Variants in SP3 observed in about 807,000 individuals in gnomAD.
The protein encoded by SP3 is Sp3 transcription factor.
Under a neutral mutation model 70.3 loss-of-function variants are expected in SP3, and 10 were observed. That is an observed-to-expected ratio of 0.14 (90% CI 0.09 to 0.24). The LOEUF is 0.24. SP3 is among the 10% of genes least tolerant of loss of function. The pLI is 1.00. For missense variants in SP3, 825 were observed against 914.6 expected (o/e 0.90, Z 1.26); for synonymous variants, 402 against 333.5 (o/e 1.21, Z -2.24).
At chr2:173,930,341 AGG>A (rs1559097033) in intron 4 of SP3, among the ~76,000 whole-genome samples, 1 of 152,110 alleles carries the variant, frequency 6.6e-6, no homozygotes, top group Non-Finnish European at 1.5e-5. Context: ...CCAAGGTGGG[AGG>A]ATTGCTTGAG....
In SP3 at chr2:173,901,040, G is replaced by A. The variant is rs1002177381; in HGVS notation, c.*8901C>T. 6.6e-6 allele frequency among the ~76,000 whole-genome samples: 1 copy of A among 152,146 alleles called. No homozygotes were observed. The highest frequency in any genetic ancestry group is 1.9e-4 in the East Asian group (1 of 5,204). On this transcript the variant is annotated 3_prime_UTR_variant, in exon 7 of 7. Transcript: ENST00000310015. Reference sequence around the variant, plus strand: ...GGTGGGCAGAGGAGACTTCCTTACCGGATGTCAAGAATTTAGGATAAATAA... The same window carrying A: ...GGTGGGCAGAGGAGACTTCCTTACCAGATGTCAAGAATTTAGGATAAATAA...
intron 4 of SP3, among the ~76,000 whole-genome samples, chr2:173,948,258 A>C (rs1018342679): frequency 1.3e-5 from 2 of 152,252 alleles, no homozygotes; most frequent in African/African-American, 4.8e-5. Context: ...TGTTACCCAT[A>C]GTCAATCACA....
chr2:173,922,623 G>C (rs762163681), intron 4 of SP3, among the ~76,000 whole-genome samples: 5 of 152,002 alleles, frequency 3.3e-5, no homozygotes, highest in Non-Finnish European at 7.4e-5. Flanking sequence ...AGGGGACTGA[G>C]AGTGCCAGTG....
In SP3 at chr2:173,964,447, TTGCTGC is replaced by T. The variant is rs762215894; in HGVS notation, c.108_113del (p.Gln38_Gln39del). 1.4e-6 allele frequency: 1 copy of T among 732,186 alleles called. No homozygotes were observed. The highest frequency in any genetic ancestry group is 2.5e-6 in the Non-Finnish European group (1 of 397,980). The allele number at this position is 732,186 out of a possible 1,614,324, so 45.4% of individuals were successfully genotyped here. On this transcript the variant is annotated inframe_deletion, in exon 2 of 7. Transcript: ENST00000310015. ...CCGCCACCGCACCGTTTCCGTGCTG[TTGCTGC>T]TGCTGCAGATACTCGCCGTGGCCGC... is the stretch of plus-strand genomic sequence containing the variant.
At chr2:173,937,198 T>C (rs1466210898) in intron 4 of SP3, among the ~76,000 whole-genome samples, 2 of 152,222 alleles carry the variant, frequency 1.3e-5, no homozygotes, top group African/African-American at 4.8e-5. Flanking sequence ...TTATTAACCC[T>C]GTGCCCAAAC....
chr2:173,965,085 G>A (rs1691250325), intron 1 of SP3, 80 bp downstream of exon 1: 1 of 1,528,470 alleles, frequency 6.5e-7, no homozygotes, highest in South Asian at 1.2e-5. Flanking sequence ...GAGACCGGCG[G>A]CAGCGGCCCC....
Position 173,906,199 on chromosome 2 carries a change from T to C in SP3, c.*3742A>G, listed in dbSNP as rs1041175671. Among the ~76,000 whole-genome samples, 1 of 152,182 alleles carries C rather than the reference T, an allele frequency of 6.6e-6. No individual in the cohort carries two copies. Among genetic ancestry groups the C allele is most frequent in the Non-Finnish European group, 1.5e-5 (1 of 68,024 alleles). ...CCACACTGTACCTTTGCAAACGCCA[T>C]TTCTGCTGAGTTTCCCAGACTTCAT... is the stretch of plus-strand genomic sequence containing the variant. On this transcript the variant is annotated 3_prime_UTR_variant, in exon 7 of 7. Coordinates refer to ENST00000310015, the MANE Select transcript of SP3 (RefSeq NM_003111.5).
At chr2:173,925,769 A>G (rs967102126) in intron 4 of SP3, among the ~76,000 whole-genome samples, 1 of 152,164 alleles carries the variant, frequency 6.6e-6, no homozygotes. Flanking sequence ...TTGTCCCCAT[A>G]AGCTTTAGGG....
Position 173,955,494 on chromosome 2 carries a change from G to A in SP3, c.1018C>T (p.Pro340Ser). 2 of 1,614,006 alleles carry A rather than the reference G, an allele frequency of 1.2e-6. No individual in the cohort carries two copies. Among genetic ancestry groups the A allele is most frequent in the Non-Finnish European group, 1.7e-6 (2 of 1,180,022 alleles). The stretch of plus-strand genomic sequence containing the variant: ...ATACCTGTACTATCTATCGTAACAG[G>A]CAACTGTGATGAAGAGGATGTTGGC... ...FVPTSSSSQL[P>S]VTIDSTGILQ... Residue 340 changes from proline (P) to serine (S), a missense_variant, in exon 4 of 7, where the codon CCT becomes TCT. This residue lies in a region of SP3 where 678 missense variants were observed against 651.6 expected (regional missense o/e 1.04). Coordinates refer to ENST00000310015, the MANE Select transcript of SP3 (RefSeq NM_003111.5).
At chr2:173,935,661 T>TAATTCCC (rs1690188146) in intron 4 of SP3, among the ~76,000 whole-genome samples, 1 of 152,212 alleles carries the variant, frequency 6.6e-6, no homozygotes, top group East Asian at 1.9e-4. Flanking sequence ...CTCAGTTTTA[T>TAATTCCC]CAACTCTCCT....
Position 173,964,957 on chromosome 2 carries a change from C to A in SP3, c.7+208G>T, listed in dbSNP as rs1313990656. 7 of 613,302 alleles carry A rather than the reference C, an allele frequency of 1.1e-5. No homozygotes were observed. The African/African-American group carries it at 1.2e-4, about 10-fold the overall frequency. The allele number at this position is 613,302 out of a possible 1,614,324, so 38.0% of individuals were successfully genotyped here. A position where few individuals can be genotyped will look rare whatever the true frequency, so the allele number is the denominator to read the frequency against. On this transcript the variant is annotated intron_variant, in intron 1 of 6. Coordinates refer to ENST00000310015, the MANE Select transcript of SP3 (RefSeq NM_003111.5). Reference sequence around the variant, plus strand: ...CCGGGCCGCCCGCCCCGGGGCCTGGCGGGGAGACGGCGTTGCTGGGGCTTC... The same window carrying A: ...CCGGGCCGCCCGCCCCGGGGCCTGGAGGGGAGACGGCGTTGCTGGGGCTTC...
At position 173,964,013 on chromosome 2, in the gene SP3, T is replaced by TCTCCTC. The variant is rs533817433; in HGVS notation, c.157-136_157-131dup. On this transcript the variant is annotated intron_variant, in intron 2 of 6. Coordinates refer to ENST00000310015, the MANE Select transcript of SP3 (RefSeq NM_003111.5). ...CGCCCGGGCAAGCGCCAGCCCGCGC[T>TCTCCTC]CTCCTCCTCCTCCTCCTCCTCCTCC... 383 of 466,294 alleles carry TCTCCTC rather than the reference T, an allele frequency of 8.2e-4. 4 individuals are homozygous for TCTCCTC. In the East Asian group the frequency reaches 0.015, roughly 18 times the overall value. The allele number at this position is 466,294 out of a possible 1,614,324, so 28.9% of individuals were successfully genotyped here. A position where few individuals can be genotyped will look rare whatever the true frequency, so the allele number is the denominator to read the frequency against.
intron 3 of SP3, chr2:173,963,269 C>CA (rs1691145310): frequency 6.6e-6 from 1 of 152,122 alleles, no homozygotes; most frequent in Non-Finnish European, 1.5e-5. Context: ...CTCCTGCATA[C>CA]AAAAGGGTAA....
At chr2:173,965,375 G>GCCCGCCCGGAACT (rs1211366733), upstream of SP3, 1 of 600,220 alleles carries the variant, frequency 1.7e-6, no homozygotes, top group Admixed American at 3.2e-5. Flanking sequence ...GAGGGTGACA[G>GCCCGCCCGGAACT]CCCGCCCGGA....
rs1470258165 is a variant in SP3 at position 173,901,073 on chromosome 2, G to A, written c.*8868C>T. 6.6e-6 allele frequency among the ~76,000 whole-genome samples: 1 copy of A among 152,076 alleles called. No individual in the cohort carries two copies. The highest frequency in any genetic ancestry group is 2.1e-4 in the South Asian group (1 of 4,826). On this transcript the variant is annotated 3_prime_UTR_variant, in exon 7 of 7. Coordinates refer to ENST00000310015, the MANE Select transcript of SP3 (RefSeq NM_003111.5). ...AGAATTTAGGATAAATAACAGAGAG[G>A]GCATTATAATCAGCAGGGAAACGTT...
rs771167538 is a variant in SP3 at position 173,963,783 on chromosome 2, C to A, written c.257G>T (p.Gly86Val). ...TACCGCTCCGGCGGCGGCGGGGGCC[C>A]CGGCTGCGGCGGCCGCCTCCTCCTC... ...DDEEEAAAAA[G>V]APAAAGATGD... Residue 86 changes from glycine (G) to valine (V), a missense_variant, in exon 3 of 7, where the codon GGG becomes GTG. Physicochemically the swap from Gly to Val is moderately radical, Grantham distance 109. This residue lies in a region of SP3 where 678 missense variants were observed against 651.6 expected (regional missense o/e 1.04). Coordinates refer to ENST00000310015, the MANE Select transcript of SP3 (RefSeq NM_003111.5). 2.8e-5 allele frequency: 39 copies of A among 1,376,918 alleles called. No homozygotes were observed. The highest frequency in any genetic ancestry group is 5.6e-5 in the Admixed American group (2 of 35,932). 85.3% of individuals were successfully genotyped at this position (1,376,918 alleles called of 1,614,324 possible).
chr2:173,958,677 G>A (rs917970931), intron 3 of SP3, among the ~76,000 whole-genome samples: 13 of 150,856 alleles, frequency 8.6e-5, no homozygotes, highest in African/African-American at 2.9e-4. Context: ...AAAAAAATTT[G>A]CTGAATACCC....
intron 4 of SP3, among the ~76,000 whole-genome samples, chr2:173,932,088 C>A (rs1262404749): frequency 2.0e-5 from 3 of 152,240 alleles, no homozygotes; most frequent in African/African-American, 7.2e-5. Context: ...GCTTTCCTCA[C>A]TAAGCTTAAT....
chr2:173,960,774 T>C (rs1691044761), intron 3 of SP3, among the ~76,000 whole-genome samples: 1 of 151,446 alleles, frequency 6.6e-6, no homozygotes, highest in Admixed American at 6.6e-5. Flanking sequence ...ATCGAGACCA[T>C]CCTGGCTAAC....
Sources: allele counts gnomAD v4.1 joint callset (sites outside exome capture counted in the v4.1 genomes callset), GRCh38; gene constraint gnomAD v4.1.1; regional missense constraint gnomAD v4.1.1; transcripts MANE v1.5; gene names NCBI Gene and HGNC (gene_info 2026-07-23, HGNC 2026-07-21).